ABCA9: variants seen among roughly 807,000 people sequenced by gnomAD.
ABCA9 encodes ATP-binding cassette sub-family A member 9.
In ABCA9, 183 loss-of-function variants were observed where a neutral mutation model predicts 205.3. That is an observed-to-expected ratio of 0.89 (90% CI 0.79 to 1.01). The LOEUF is 1.01. Among genes scored for constraint, ABCA9 ranks in the 50% least tolerant of loss-of-function variants. The pLI is 0.00. For missense variants in ABCA9, 1,805 were observed against 1,912.4 expected, an observed-to-expected ratio of 0.94 and a Z score of 1.05; for synonymous variants, 651 against 683.3, an observed-to-expected ratio of 0.95 and a Z score of 0.74.
chr17:68,986,135 A>C, intron 32 of ABCA9, 29 bp downstream of exon 32: 1 of 1,574,654 alleles, frequency 6.4e-7, no homozygotes, highest in Non-Finnish European at 8.6e-7. Context: ...CCCCTCCAGC[A>C]AAGGGGAGTG....
chr17:68,991,467 CT>C (rs2069452513), intron 28 of ABCA9, among the ~76,000 whole-genome samples: 1 of 152,166 alleles, frequency 6.6e-6, no homozygotes. Context: ...TCTTTCCTCT[CT>C]GCTACAGACT....
intron 25 of ABCA9, among the ~76,000 whole-genome samples, chr17:69,002,652 G>A (rs2069928836): frequency 6.6e-6 from 1 of 151,588 alleles, no homozygotes; most frequent in Non-Finnish European, 1.5e-5. Flanking sequence ...GCAGGGCTGA[G>A]TTCAATTCCT....
chr17:68,995,841 T>G (rs2069600974), intron 26 of ABCA9, 54 bp downstream of exon 26: 1 of 1,603,020 alleles, frequency 6.2e-7, no homozygotes, highest in African/African-American at 1.3e-5. Flanking sequence ...TATTCATGGC[T>G]TTCTCAAATG....
chr17:69,054,081 A>C (rs1336916103), intron 1 of ABCA9, among the ~76,000 whole-genome samples: 1 of 152,210 alleles, frequency 6.6e-6, no homozygotes, highest in African/African-American at 2.4e-5. Context: ...CCCTTAGTAG[A>C]ATGTACTCTG....
At chr17:69,018,255 A>G (rs1598379532) in intron 20 of ABCA9, 158 bp downstream of exon 20, 1 of 599,186 alleles carries the variant, frequency 1.7e-6, no homozygotes, top group Non-Finnish European at 2.7e-6. Context: ...AAACTCTCCC[A>G]TGTCGTATTT....
intron 26 of ABCA9, among the ~76,000 whole-genome samples, chr17:68,994,793 C>T (rs758663414): frequency 3.3e-5 from 5 of 152,184 alleles, no homozygotes; most frequent in Non-Finnish European, 5.9e-5. Flanking sequence ...GTGGACTTTA[C>T]GCTATTTTTT....
intron 2 of ABCA9, among the ~76,000 whole-genome samples, chr17:69,050,343 AACACACACACACACAC>A (rs58213498): frequency 5.4e-5 from 8 of 147,898 alleles, no homozygotes; most frequent in African/African-American, 1.5e-4. Flanking sequence ...CACACACACG[AACACACACACACACAC>A]ACACACACAC....
chr17:69,016,011 G>A (rs1192780550), intron 22 of ABCA9, among the ~76,000 whole-genome samples: 2 of 148,628 alleles, frequency 1.3e-5, no homozygotes, highest in Non-Finnish European at 3.0e-5. Context: ...ATGTTGCGTG[G>A]TCATTTCTAA....
Position 68,976,176 on chromosome 17 carries a change from C to G in ABCA9, c.4735G>C (p.Asp1579His). 1 of 1,613,672 alleles carries G rather than the reference C, an allele frequency of 6.2e-7. No individual in the cohort carries two copies. Among genetic ancestry groups the G allele is most frequent in the African/African-American group, 1.3e-5 (1 of 74,916 alleles). The change falls in exon 38 of 39, where the codon GAC (aspartate) becomes CAC (histidine). Residue 1579 changes from aspartate to histidine, a missense_variant. Coordinates refer to ENST00000340001, the MANE Select transcript of ABCA9 (RefSeq NM_080283.4). ...TGTGAGAGGCTGTACTCCTCCAGGT[C>G]GAAACTCTGTTTAACTGCATAAGAA... is the stretch of plus-strand genomic sequence containing the variant. Reference protein sequence around the residue: ...FKLEIVKQSFDLEEYSLSQST... With the variant: ...FKLEIVKQSFHLEEYSLSQST...
chr17:69,073,573 A>G, the ABCA9 span, among the ~76,000 whole-genome samples: 3 of 152,228 alleles, frequency 2.0e-5, no homozygotes, highest in Admixed American at 2.0e-4. Flanking sequence ...GAAACAACAT[A>G]CCAGAATCTC....
chr17:69,051,150 A>G lies in ABCA9; in HGVS notation c.-13-11T>C, dbSNP rs2144508538. On this transcript the variant is annotated splice_polypyrimidine_tract_variant and intron_variant, in intron 1 of 38. Transcript: ENST00000340001. ...ATTTTGACCTGTTTCCTTTAAAAAG[A>G]CAGAAAAAAAATGAAGTACATGTGA... The G allele has an allele frequency of 6.2e-7, 1 of 1,611,572 alleles. No individual in the cohort carries two copies. The highest frequency in any genetic ancestry group is 2.2e-5 in the East Asian group (1 of 44,832).
intron 6 of ABCA9, among the ~76,000 whole-genome samples, chr17:69,040,266 T>C (rs1455495996): frequency 1.3e-5 from 2 of 152,202 alleles, no homozygotes; most frequent in Non-Finnish European, 2.9e-5. Flanking sequence ...CGTATATTTA[T>C]TGCAGCACTA....
upstream of ABCA9, among the ~76,000 whole-genome samples, chr17:69,064,434 C>A (rs1478422203): frequency 4.6e-5 from 7 of 152,168 alleles, no homozygotes; most frequent in East Asian, 1.3e-3. Context: ...ATAGGATACA[C>A]CCGTTAGCAT....
intron 25 of ABCA9, among the ~76,000 whole-genome samples, chr17:69,002,788 A>C (rs1394604984): frequency 7.1e-6 from 1 of 140,078 alleles, no homozygotes; most frequent in Non-Finnish European, 1.5e-5. Flanking sequence ...TTGCTTTATG[A>C]ATCTGGGTGC....
At chr17:68,989,225 ATATT>A in intron 30 of ABCA9, 107 bp from the exon 31 acceptor site, 1 of 632,130 alleles carries the variant, frequency 1.6e-6, no homozygotes, top group Admixed American at 2.3e-5. Context: ...TGTGCTATAT[ATATT>A]ATTTCCCTTA....
chr17:68,987,873 T>C (rs557478449), intron 31 of ABCA9, among the ~76,000 whole-genome samples: 1 of 152,086 alleles, frequency 6.6e-6, no homozygotes, highest in Non-Finnish European at 1.5e-5. Flanking sequence ...CAAGCAATTC[T>C]CCTGCCTCAG....
intron 13 of ABCA9, 33 bp from the exon 14 acceptor site, chr17:69,027,482 C>A (rs1305917039): frequency 1.9e-6 from 3 of 1,581,014 alleles, no homozygotes; most frequent in Non-Finnish European, 8.6e-7. Flanking sequence ...GTCCAAAACC[C>A]AGAAAGTTTA....
At position 69,008,880 on chromosome 17, in the gene ABCA9, C is replaced by T. The variant is rs144220302; in HGVS notation, c.3148-645G>A. 4.6e-5 allele frequency among the ~76,000 whole-genome samples: 7 copies of T among 152,218 alleles called. No homozygotes were observed. In the East Asian group the frequency reaches 9.6e-4, roughly 21 times the overall value. On this transcript the variant is annotated intron_variant, in intron 23 of 38. Coordinates refer to ENST00000340001, the MANE Select transcript of ABCA9 (RefSeq NM_080283.4). ...TAACACAAGGTCTTGAAAATGTGAC[C>T]TGGACTATTTTAAACAGTAAAGCAT...
At position 69,032,100 on chromosome 17, in the gene ABCA9, T is replaced by C; in HGVS notation, c.1445+8A>G. 6.2e-7 allele frequency: 1 copy of C among 1,603,928 alleles called. No individual in the cohort carries two copies. Among genetic ancestry groups the C allele is most frequent in the Non-Finnish European group, 8.5e-7 (1 of 1,175,094 alleles). ...TCCATTGGTGCCTCCAAGTAATTTATTGGTTACCTGATGGCTTCTTTCCCA... is the reference window on the plus strand; with the variant it reads ...TCCATTGGTGCCTCCAAGTAATTTACTGGTTACCTGATGGCTTCTTTCCCA... On this transcript the variant is annotated splice_region_variant and intron_variant, in intron 10 of 38. Coordinates refer to ENST00000340001, the MANE Select transcript of ABCA9 (RefSeq NM_080283.4).
Sources: allele counts gnomAD v4.1 joint callset (sites outside exome capture counted in the v4.1 genomes callset), GRCh38; gene constraint gnomAD v4.1.1; transcripts MANE v1.5; gene names NCBI Gene and HGNC (gene_info 2026-07-23, HGNC 2026-07-21).